Variants in ARMC8 observed in about 807,000 individuals in gnomAD.
ARMC8 encodes the protein armadillo repeat-containing protein 8.
In ARMC8, 20 loss-of-function variants were observed where a neutral mutation model predicts 99.3. The observed-to-expected ratio is 0.20, with a 90% confidence interval of 0.14 to 0.29. ARMC8 has a LOEUF of 0.29. Ranked by LOEUF, ARMC8 falls within the 10% of genes least tolerant of loss-of-function variation. The pLI is 1.00. For missense variants in ARMC8, 569 were observed against 809.5 expected (o/e 0.70, Z 3.60); for synonymous variants, 263 against 278.3 (o/e 0.95, Z 0.55).
chr3:138,267,375 G>A (rs554116239), intron 15 of ARMC8, 134 bp downstream of exon 15: 17 of 519,280 alleles, frequency 3.3e-5, no homozygotes, highest in African/African-American at 1.7e-4. Context: ...ATTGCATAGC[G>A]GTAGGGGTGT....
At chr3:138,214,698 C>T (rs2044908821) in intron 2 of ARMC8, among the ~76,000 whole-genome samples, 1 of 152,088 alleles carries the variant, frequency 6.6e-6, no homozygotes, top group Non-Finnish European at 1.5e-5. Flanking sequence ...GCTCTGTCAC[C>T]CAGGCTGGAG....
intron 1 of ARMC8, among the ~76,000 whole-genome samples, chr3:138,193,317 G>A (rs1205881974): frequency 6.6e-6 from 1 of 151,076 alleles, no homozygotes; most frequent in Non-Finnish European, 1.5e-5. Context: ...CTGGAGTGCA[G>A]TGGTGTGATC....
chr3:138,202,512 A>G (rs2044139854), intron 1 of ARMC8, among the ~76,000 whole-genome samples: 1 of 152,174 alleles, frequency 6.6e-6, no homozygotes, highest in Non-Finnish European at 1.5e-5. Flanking sequence ...ACAGAAATAG[A>G]ATTACTCTGA....
At chr3:138,188,607 G>A (rs2043206760) in intron 1 of ARMC8, 5 of 1,578,858 alleles carry the variant, frequency 3.2e-6, no homozygotes. Context: ...TTAGACTTGT[G>A]GAAGCCAGTC....
At chr3:138,223,304 A>T (rs1029219570) in intron 3 of ARMC8, 85 bp from the exon 4 acceptor site, 1 of 1,223,224 alleles carries the variant, frequency 8.2e-7, no homozygotes, top group Non-Finnish European at 1.2e-6. Flanking sequence ...TATTTTTAGT[A>T]TGTGGACTGC....
At chr3:138,259,150 C>T (rs746821512) in intron 12 of ARMC8, among the ~76,000 whole-genome samples, 8 of 152,156 alleles carry the variant, frequency 5.3e-5, no homozygotes, top group Non-Finnish European at 1.2e-4. Context: ...GTACTGGGGT[C>T]GTTAAAAGGC....
At chr3:138,204,324 G>T (rs746023506) in intron 1 of ARMC8, among the ~76,000 whole-genome samples, 5 of 152,094 alleles carry the variant, frequency 3.3e-5, no homozygotes, top group Non-Finnish European at 7.4e-5. Flanking sequence ...TTCTCCCTCA[G>T]TTATTCATGA....
At chr3:138,224,704 C>G (rs1303723064) in intron 5 of ARMC8, among the ~76,000 whole-genome samples, 1 of 152,210 alleles carries the variant, frequency 6.6e-6, no homozygotes, top group East Asian at 1.9e-4. Flanking sequence ...GATCTGAGAT[C>G]ACACCACCCT....
intron 1 of ARMC8, among the ~76,000 whole-genome samples, chr3:138,196,043 A>G (rs1046543010): frequency 6.6e-6 from 1 of 152,184 alleles, no homozygotes; most frequent in African/African-American, 2.4e-5. Context: ...AGATCTATTA[A>G]TATTGGGAGG....
At chr3:138,250,018 C>G (rs905109689) in intron 12 of ARMC8, among the ~76,000 whole-genome samples, 2 of 152,082 alleles carry the variant, frequency 1.3e-5, no homozygotes, top group African/African-American at 4.8e-5. Flanking sequence ...AACATGAACT[C>G]TTAAGTTTTT....
At chr3:138,290,143 G>A (rs1249449243) in intron 20 of ARMC8, among the ~76,000 whole-genome samples, 2 of 152,226 alleles carry the variant, frequency 1.3e-5, no homozygotes, top group African/African-American at 2.4e-5. Context: ...ACAATAGAAA[G>A]GGGAAGATAA....
Position 138,221,104 on chromosome 3 carries a change from G to T in ARMC8, c.123-822G>T, listed in dbSNP as rs572060676. Among the ~76,000 whole-genome samples, 14 of 152,286 alleles carry T rather than the reference G, an allele frequency of 9.2e-5. No individual in the cohort carries two copies. The South Asian group carries it at 2.3e-3, about 25-fold the overall frequency. On this transcript the variant is annotated intron_variant, in intron 2 of 21. Coordinates refer to ENST00000469044, the MANE Select transcript of ARMC8 (RefSeq NM_001363941.2). ...AAATTTGTGAGCCAAGTGATCAGTG[G>T]TAGAGGTTCTCTTATTGTGGAATAG...
At chr3:138,262,478 G>A in intron 12 of ARMC8, 1 of 1,562,528 alleles carries the variant, frequency 6.4e-7, no homozygotes, top group Non-Finnish European at 8.7e-7. Flanking sequence ...TTGTTTGGCT[G>A]AAACATCCTG....
In ARMC8 at chr3:138,198,326, A is replaced by G. The variant is rs538298699; in HGVS notation, c.45+10727A>G. ...ATAAAATCATGGAATCTTTTCTTGG[A>G]AGAAACCTGCAGATAATCTTTAGTT... is the stretch of plus-strand genomic sequence containing the variant. On this transcript the variant is annotated intron_variant, in intron 1 of 21. Transcript: ENST00000469044. Among the ~76,000 whole-genome samples, 3 of 152,194 alleles carry G rather than the reference A, an allele frequency of 2.0e-5. No individual in the cohort carries two copies. The South Asian group carries it at 6.2e-4, about 32-fold the overall frequency.
At chr3:138,252,893 T>C (rs538546482) in intron 12 of ARMC8, among the ~76,000 whole-genome samples, 3 of 152,128 alleles carry the variant, frequency 2.0e-5, no homozygotes, top group South Asian at 4.2e-4. Context: ...TGTCTGACTT[T>C]CTGAAGAAAG....
chr3:138,272,414 A>G (rs1478601317), intron 16 of ARMC8, among the ~76,000 whole-genome samples: 8 of 152,254 alleles, frequency 5.3e-5, no homozygotes, highest in African/African-American at 1.9e-4. Flanking sequence ...GTCTTAAGAC[A>G]TTCAAATGTC....
intron 1 of ARMC8, among the ~76,000 whole-genome samples, chr3:138,199,014 C>T (rs2043901763): frequency 6.6e-6 from 1 of 151,888 alleles, no homozygotes; most frequent in Non-Finnish European, 1.5e-5. Context: ...AAGTAGATTC[C>T]ATGCTAGGAA....
At chr3:138,282,482 C>T (rs940864766) in intron 18 of ARMC8, among the ~76,000 whole-genome samples, 6 of 151,908 alleles carry the variant, frequency 3.9e-5, no homozygotes, top group South Asian at 2.1e-4. Context: ...CCCGTCTCTA[C>T]TAAAAATACA....
rs539886656 is a variant in ARMC8 at position 138,195,149 on chromosome 3, G to A, written c.45+7550G>A. Among the ~76,000 whole-genome samples, 15 of 152,104 alleles carry A rather than the reference G, an allele frequency of 9.9e-5. No individual in the cohort carries two copies. The South Asian group carries it at 3.1e-3, about 32-fold the overall frequency. ...AAAAATTAGCCAGGCATGGTTGCAG[G>A]CGCCTGTAGTCCCAGCTACTCGGGA... On this transcript the variant is annotated intron_variant, in intron 1 of 21. Coordinates refer to ENST00000469044, the MANE Select transcript of ARMC8 (RefSeq NM_001363941.2).
Sources: gnomAD v4.1 joint callset for allele counts (sites outside exome capture counted in the v4.1 genomes callset) on GRCh38, gnomAD v4.1.1 for gene constraint, MANE v1.5 for transcripts, NCBI Gene and HGNC (gene_info 2026-07-23, HGNC 2026-07-21) for gene names.